The following MECOM variants were observed in gnomAD, a reference collection of about 807,000 sequenced individuals.
MECOM encodes histone-lysine N-methyltransferase MECOM.
In MECOM, 13 loss-of-function variants were observed where a neutral mutation model predicts 116.3. The observed-to-expected ratio is 0.11, with a 90% CI of 0.07 to 0.18. The LOEUF is 0.18. Among genes scored for constraint, MECOM ranks in the 10% least tolerant of loss-of-function variants. The pLI, the probability that MECOM is intolerant of heterozygous loss-of-function variation, is 1.00. For synonymous variants in MECOM, 528 were observed against 535.2 expected (o/e 0.99, Z 0.19); for missense variants, 1,299 against 1,509.0 (o/e 0.86, Z 2.31).
chr3:169,550,271 T>C (rs562900775), intron 1 of MECOM, among the ~76,000 whole-genome samples: 1 of 152,334 alleles, frequency 6.6e-6, no homozygotes, highest in East Asian at 1.9e-4. Flanking sequence ...CCCATTCACA[T>C]CCTGTACTTA....
intron 1 of MECOM, among the ~76,000 whole-genome samples, chr3:169,484,761 G>T (rs1751896666): frequency 6.8e-6 from 1 of 146,614 alleles, no homozygotes; most frequent in Admixed American, 6.9e-5. Flanking sequence ...ACTAACATTG[G>T]AAGGCAGACT....
intron 1 of MECOM, among the ~76,000 whole-genome samples, chr3:169,427,104 G>A (rs989399195): frequency 2.6e-5 from 4 of 151,800 alleles, no homozygotes; most frequent in African/African-American, 4.8e-5. Flanking sequence ...AAGCCTCTTC[G>A]AGCTTTTTAT....
At position 169,093,045 on chromosome 3, in the gene MECOM, T is replaced by C. The variant is rs1720290443; in HGVS notation, c.3077A>G (p.Asp1026Gly). 1 of 1,613,758 alleles carries C rather than the reference T, an allele frequency of 6.2e-7. No homozygotes were observed. The highest frequency in any genetic ancestry group is 1.3e-5 in the African/African-American group (1 of 74,904). ...ELESTGAILD[D>G]KEDAYFTEIR... Reference sequence around the variant, plus strand: ...TTCTGTGAAGTAAGCATCTTCTTTGTCATCCAGAATCGCACCTGTACTTTC... The same window carrying C: ...TTCTGTGAAGTAAGCATCTTCTTTGCCATCCAGAATCGCACCTGTACTTTC... The change falls in exon 14 of 17, where the codon GAC becomes GGC. Residue 1026 changes from aspartate (D) to glycine (G), a missense_variant. Transcript: ENST00000651503.
At chr3:169,235,455 A>T (rs113824075) in intron 2 of MECOM, among the ~76,000 whole-genome samples, 2 of 152,252 alleles carry the variant, frequency 1.3e-5, no homozygotes, top group African/African-American at 4.8e-5. Context: ...CCAAAGAACC[A>T]TTTATTGTTA....
chr3:169,433,592 G>A (rs1742024359), intron 1 of MECOM, among the ~76,000 whole-genome samples: 1 of 147,354 alleles, frequency 6.8e-6, no homozygotes, highest in East Asian at 2.0e-4. Flanking sequence ...AAGGAAGGAA[G>A]GGAGGGAAGG....
At chr3:169,181,166 C>T (rs1166913038) in intron 2 of MECOM, among the ~76,000 whole-genome samples, 2 of 152,120 alleles carry the variant, frequency 1.3e-5, no homozygotes, top group African/African-American at 4.8e-5. Context: ...GTCACACAGG[C>T]TAGTGAGCCA....
intron 10 of MECOM, among the ~76,000 whole-genome samples, chr3:169,104,965 G>T (rs1010053586): frequency 1.3e-5 from 2 of 152,056 alleles, no homozygotes; most frequent in African/African-American, 4.8e-5. Flanking sequence ...TAAGGGTTAC[G>T]CAAGTGTCTT....
At chr3:169,469,340 G>C (rs1326659485) in intron 1 of MECOM, among the ~76,000 whole-genome samples, 1 of 152,174 alleles carries the variant, frequency 6.6e-6, no homozygotes, top group South Asian at 2.1e-4. Context: ...AGCCAGCAGG[G>C]AGTCTATATC....
At chr3:169,489,958 C>A (rs181550919) in intron 1 of MECOM, among the ~76,000 whole-genome samples, 1 of 152,142 alleles carries the variant, frequency 6.6e-6, no homozygotes, top group East Asian at 1.9e-4. Context: ...GAAAGACAAG[C>A]CACAGACTGA....
At chr3:169,134,567 T>C (rs780684775) in intron 3 of MECOM, among the ~76,000 whole-genome samples, 7 of 152,230 alleles carry the variant, frequency 4.6e-5, no homozygotes, top group Non-Finnish European at 8.8e-5. Flanking sequence ...CTTCCCCATA[T>C]AGCAATAAGA....
intron 2 of MECOM, among the ~76,000 whole-genome samples, chr3:169,207,127 C>T (rs999810359): frequency 6.8e-6 from 1 of 147,334 alleles, no homozygotes; most frequent in Non-Finnish European, 1.5e-5. Context: ...AATGTGCTTT[C>T]ATCATTGAGG....
At chr3:169,470,537 C>G (rs1305110791) in intron 1 of MECOM, among the ~76,000 whole-genome samples, 1 of 152,046 alleles carries the variant, frequency 6.6e-6, no homozygotes, top group Admixed American at 6.6e-5. Context: ...ACAGTTCTGC[C>G]ATGAAAGCAG....
At chr3:169,313,810 C>T (rs1273307560) in intron 2 of MECOM, among the ~76,000 whole-genome samples, 2 of 152,108 alleles carry the variant, frequency 1.3e-5, no homozygotes, top group African/African-American at 4.8e-5. Flanking sequence ...CAAACTAGAG[C>T]TTGGGAATGG....
intron 1 of MECOM, among the ~76,000 whole-genome samples, chr3:169,405,156 G>C (rs924083875): frequency 1.3e-5 from 2 of 151,850 alleles, no homozygotes; most frequent in African/African-American, 4.8e-5. Flanking sequence ...TGGTCAAAAG[G>C]GTTTTTTCTC....
At chr3:169,657,102 G>A (rs1266059176) in intron 1 of MECOM, among the ~76,000 whole-genome samples, 1 of 152,208 alleles carries the variant, frequency 6.6e-6, no homozygotes, top group Non-Finnish European at 1.5e-5. Flanking sequence ...AATAGGGAAG[G>A]GGGATCTGTA....
At chr3:169,335,531 G>T (rs1021782805) in intron 2 of MECOM, among the ~76,000 whole-genome samples, 1 of 152,032 alleles carries the variant, frequency 6.6e-6, no homozygotes. Context: ...TTTGTTCCAG[G>T]GAAAGCAGAG....
chr3:169,470,762 A>T (rs1459458713), intron 1 of MECOM, among the ~76,000 whole-genome samples: 2 of 152,268 alleles, frequency 1.3e-5, no homozygotes, highest in East Asian at 3.9e-4. Flanking sequence ...AATCTGGTGT[A>T]TCTATCATCT....
chr3:169,361,125 C>T lies in MECOM; in HGVS notation c.375+20062G>A, dbSNP rs79564643. Among the ~76,000 whole-genome samples, 105 of 151,872 alleles carry T rather than the reference C, an allele frequency of 6.9e-4. 2 individuals are homozygous for T. The East Asian group carries it at 0.019, about 27-fold the overall frequency. On this transcript the variant is annotated intron_variant, in intron 2 of 16. Coordinates refer to ENST00000651503, the MANE Select transcript of MECOM (RefSeq NM_004991.4). ...ATGGAGTTAGGGATGAAGGAGAACG[C>T]TTTATGAAGGTTTAAATGTACAGCT...
intron 2 of MECOM, among the ~76,000 whole-genome samples, chr3:169,360,319 CAAAAA>C: frequency 1.1e-5 from 1 of 87,840 alleles, no homozygotes; most frequent in African/African-American, 4.3e-5. Flanking sequence ...AAAGTTACAC[CAAAAA>C]AAAAAAAGAA....
Sources: gnomAD v4.1 joint callset for allele counts (sites outside exome capture counted in the v4.1 genomes callset) on GRCh38, gnomAD v4.1.1 for gene constraint, MANE v1.5 for transcripts, NCBI Gene and HGNC (gene_info 2026-07-23, HGNC 2026-07-21) for gene names.